The following MALT1 variants were observed in gnomAD, a reference collection of about 807,000 sequenced individuals.
MALT1 encodes the protein mucosa-associated lymphoid tissue lymphoma translocation protein 1.
In MALT1, 36 loss-of-function variants were observed where a neutral mutation model predicts 85.5. The ratio of observed to expected loss-of-function variants is 0.42; its 90% CI spans 0.32 to 0.56. The LOEUF is 0.56. Among genes scored for constraint, MALT1 ranks in the 20% least tolerant of loss-of-function variants. The pLI, the probability that MALT1 is intolerant of heterozygous loss-of-function variation, is 0.10. For synonymous variants in MALT1, 359 were observed against 361.3 expected, an observed-to-expected ratio of 0.99 and a Z score of 0.07; for missense variants, 716 against 981.6, an observed-to-expected ratio of 0.73 and a Z score of 3.62.
Position 58,696,436 on chromosome 18 carries a change from G to A in MALT1, c.447G>A (p.Arg149=). 1 of 1,597,272 alleles carries A rather than the reference G, an allele frequency of 6.3e-7. No homozygotes were observed. The highest frequency in any genetic ancestry group is 8.5e-7 in the Non-Finnish European group (1 of 1,172,178). ...LAGQFVKLCC[R]ATGHPFVQYQ... is the part of the protein sequence containing the mutation. ...GACAGTTTGTGAAACTGTGTTGCCG[G>A]GCAACTGGACATCCTTTTGTTCAAT... Residue 149 remains arginine, a synonymous_variant, in exon 3 of 17, where the codon CGG becomes CGA. Coordinates refer to ENST00000649217, the MANE Select transcript of MALT1 (RefSeq NM_006785.4).
intron 2 of MALT1, 75 bp from the exon 3 acceptor site, chr18:58,696,291 T>C: frequency 8.5e-7 from 1 of 1,174,110 alleles, no homozygotes; most frequent in Non-Finnish European, 1.1e-6. Context: ...TGTTTCAATT[T>C]TTGGTTTCAG....
At chr18:58,686,998 C>T (rs925059494) in intron 2 of MALT1, among the ~76,000 whole-genome samples, 2 of 152,164 alleles carry the variant, frequency 1.3e-5, no homozygotes, top group African/African-American at 4.8e-5. Context: ...AACTCAATAC[C>T]ATTTCCATAA....
intron 9 of MALT1, among the ~76,000 whole-genome samples, chr18:58,719,332 TCTCTTC>T (rs935661733): frequency 2.6e-5 from 3 of 116,648 alleles, no homozygotes; most frequent in African/African-American, 5.2e-5. Flanking sequence ...TCTCTCTCTT[TCTCTTC>T]CTCTTACTCT....
chr18:58,672,807 A>C (rs1244553469), intron 1 of MALT1: 1 of 152,222 alleles, frequency 6.6e-6, no homozygotes, highest in Non-Finnish European at 1.5e-5. Flanking sequence ...TTCTGCATTC[A>C]GTCTGTCGCA....
At chr18:58,701,526 T>C (rs973924509) in intron 4 of MALT1, among the ~76,000 whole-genome samples, 1 of 152,172 alleles carries the variant, frequency 6.6e-6, no homozygotes, top group African/African-American at 2.4e-5. Context: ...AGGAGTTCCC[T>C]TTTCTCTTTC....
rs1406528533 is a variant in MALT1 at position 58,751,290 on chromosome 18, T to C, written c.*3448T>C. The C allele has an allele frequency of 2.0e-5, 3 of 152,082 alleles. No homozygotes were observed. Among genetic ancestry groups the C allele is most frequent in the Non-Finnish European group, 4.4e-5 (3 of 68,096 alleles). The allele number at this position is 152,082 out of a possible 1,614,324, so 9.4% of individuals were successfully genotyped here. A position where few individuals can be genotyped will look rare whatever the true frequency, so the allele number is the denominator to read the frequency against. On this transcript the variant is annotated 3_prime_UTR_variant, in exon 17 of 17. Coordinates refer to ENST00000649217, the MANE Select transcript of MALT1 (RefSeq NM_006785.4). ...GGCAAAACCCTGTCTCTATTAAAAA[T>C]ACAAAAAAATTAGCTGGGCATGGTG...
At position 58,748,363 on chromosome 18, in the gene MALT1, G is replaced by T. The variant is rs913649059; in HGVS notation, c.*521G>T. ...TTCTGAGATAAGTGTTATGTTTGTA[G>T]ATAGAGTGAAATATATTTATATATA... On this transcript the variant is annotated 3_prime_UTR_variant, in exon 17 of 17. Coordinates refer to ENST00000649217, the MANE Select transcript of MALT1 (RefSeq NM_006785.4). The T allele has an allele frequency of 1.6e-5, 3 of 187,482 alleles. No individual in the cohort carries two copies. Among genetic ancestry groups the T allele is most frequent in the Non-Finnish European group, 3.4e-5 (3 of 88,646 alleles). 11.6% of individuals were successfully genotyped at this position (187,482 alleles called of 1,614,324 possible).
chr18:58,742,032 T>G lies in MALT1; in HGVS notation c.1753+18T>G. 6.8e-7 allele frequency: 1 copy of G among 1,474,618 alleles called. No individual in the cohort carries two copies. Among genetic ancestry groups the G allele is most frequent in the African/African-American group, 1.4e-5 (1 of 72,894 alleles). The allele number at this position is 1,474,618 out of a possible 1,614,324, so 91.3% of individuals were successfully genotyped here. The stretch of plus-strand genomic sequence containing the variant: ...GGCTCATGGTACGGTAAAGCCCATT[T>G]TTTGTTAGATCTACAATATACTTAA... On this transcript the variant is annotated intron_variant, in intron 14 of 16. Coordinates refer to ENST00000649217, the MANE Select transcript of MALT1 (RefSeq NM_006785.4).
rs74905654 is a variant in MALT1, at chr18:58,715,484, C to T, written c.986-451C>T. Among the ~76,000 whole-genome samples, 1,270 of 152,158 alleles carry T rather than the reference C, an allele frequency of 8.3e-3. 12 individuals are homozygous for T. The highest frequency in any genetic ancestry group is 0.028 in the African/African-American group (1,176 of 41,520). On this transcript the variant is annotated intron_variant, in intron 8 of 16. Coordinates refer to ENST00000649217, the MANE Select transcript of MALT1 (RefSeq NM_006785.4). ...CTTTCCCTACATGGTGCTTCAGGTGCGGGGCGGGATTTTATTTTATGTATA... is the reference window on the plus strand; with the variant it reads ...CTTTCCCTACATGGTGCTTCAGGTGTGGGGCGGGATTTTATTTTATGTATA...
chr18:58,732,756 T>C (rs2144457794), intron 10 of MALT1, among the ~76,000 whole-genome samples: 2 of 123,192 alleles, frequency 1.6e-5, no homozygotes, highest in South Asian at 4.9e-4. Context: ...AGAGAAATCC[T>C]AGCTGCATTC....
At chr18:58,725,632 A>C (rs1427382137) in intron 10 of MALT1, among the ~76,000 whole-genome samples, 7 of 152,204 alleles carry the variant, frequency 4.6e-5, no homozygotes, top group African/African-American at 1.7e-4. Flanking sequence ...AATATTGATC[A>C]GTTTAGGTTT....
rs1175576743 is a variant in MALT1, at chr18:58,753,395, CAG to C, written c.*5554_*5555del. The C allele has an allele frequency of 2.0e-5, 3 of 152,150 alleles. No homozygotes were observed. The highest frequency in any genetic ancestry group is 7.2e-5 in the African/African-American group (3 of 41,426). The allele number at this position is 152,150 out of a possible 1,614,324, so 9.4% of individuals were successfully genotyped here. ...TTTTAGTAGTATCTACTAAAATAAA[CAG>C]GGTTTCACCATGTTGGCCAGGCTGG... On this transcript the variant is annotated 3_prime_UTR_variant, in exon 17 of 17. Transcript: ENST00000649217.
intron 4 of MALT1, among the ~76,000 whole-genome samples, chr18:58,702,731 G>A (rs1017860093): frequency 2.6e-5 from 4 of 152,120 alleles, no homozygotes; most frequent in Admixed American, 6.5e-5. Context: ...AAACTCTAGC[G>A]TTGATGTCAG....
intron 13 of MALT1, among the ~76,000 whole-genome samples, chr18:58,737,492 AAAG>A (rs1457869846): frequency 2.0e-5 from 3 of 152,102 alleles, no homozygotes; most frequent in Admixed American, 2.0e-4. Context: ...AAAAAAAAAA[AAAG>A]AAAATTCCAG....
intron 3 of MALT1, among the ~76,000 whole-genome samples, chr18:58,696,789 C>T (rs192342342): frequency 6.6e-6 from 1 of 152,318 alleles, no homozygotes; most frequent in African/African-American, 2.4e-5. Flanking sequence ...CTTGTGTATA[C>T]AAACTCTTCA....
chr18:58,737,786 T>C (rs2055244984), intron 13 of MALT1, among the ~76,000 whole-genome samples: 2 of 152,192 alleles, frequency 1.3e-5, no homozygotes, highest in African/African-American at 2.4e-5. Flanking sequence ...TTTCGCCATG[T>C]TGGCCAGGCC....
intron 10 of MALT1, among the ~76,000 whole-genome samples, chr18:58,730,412 G>A (rs1042420228): frequency 1.3e-5 from 2 of 152,128 alleles, no homozygotes; most frequent in African/African-American, 4.8e-5. Flanking sequence ...CCCAATATGT[G>A]GCCTTTTATG....
At chr18:58,735,411 A>G in intron 13 of MALT1, 82 bp downstream of exon 13, 1 of 1,427,944 alleles carries the variant, frequency 7.0e-7, no homozygotes, top group Non-Finnish European at 9.3e-7. Context: ...CTCTCTGGTG[A>G]TTGTTTTATT....
At chr18:58,733,659 C>A in intron 11 of MALT1, 85 bp downstream of exon 11, 1 of 1,099,900 alleles carries the variant, frequency 9.1e-7, no homozygotes, top group Non-Finnish European at 1.3e-6. Flanking sequence ...ATGCTAAAAG[C>A]CATTTGCGTT....
Sources: gnomAD v4.1 joint callset for allele counts (sites outside exome capture counted in the v4.1 genomes callset) on GRCh38, gnomAD v4.1.1 for gene constraint, MANE v1.5 for transcripts, NCBI Gene and HGNC (gene_info 2026-07-23, HGNC 2026-07-21) for gene names.